The following CREB3L1 variants were observed in gnomAD, a reference collection of about 807,000 sequenced individuals.
The protein encoded by CREB3L1 is cAMP responsive element binding protein 3 like 1, also known as cyclic AMP-responsive element-binding protein 3-like protein 1.
CREB3L1 carries 33 observed loss-of-function variants against 54.5 expected under a neutral mutation model. That is an observed-to-expected ratio of 0.61 (90% CI 0.46 to 0.81). The LOEUF is 0.81. Among genes scored for constraint, CREB3L1 ranks in the 30% least tolerant of loss-of-function variants. CREB3L1 has a pLI of 0.00. For missense variants in CREB3L1, 656 were observed against 673.3 expected, an observed-to-expected ratio of 0.97 and a Z score of 0.29; for synonymous variants, 284 against 286.4, an observed-to-expected ratio of 0.99 and a Z score of 0.08.
intron 8 of CREB3L1, among the ~76,000 whole-genome samples, chr11:46,313,305 C>T (rs893538885): frequency 2.6e-5 from 4 of 152,180 alleles, no homozygotes; most frequent in Non-Finnish European, 2.9e-5. Flanking sequence ...TTAGGTTGCA[C>T]CCTCAAGTTT....
intron 1 of CREB3L1, among the ~76,000 whole-genome samples, chr11:46,298,498 G>A: frequency 6.6e-6 from 1 of 152,218 alleles, no homozygotes; most frequent in East Asian, 1.9e-4. Flanking sequence ...AGGAGTTTGA[G>A]ACCAGCCTAG....
rs930638039 is a variant in CREB3L1 at position 46,312,525 on chromosome 11, C to T, written c.903+51C>T. On this transcript the variant is annotated intron_variant, in intron 6 of 11. Coordinates refer to ENST00000621158, the MANE Select transcript of CREB3L1 (RefSeq NM_052854.4). ...AGAGGGCTTCCTTGGTGGGTGGGCT[C>T]CCCTGGCATACCAGCTCTGAAATTG... The T allele has an allele frequency of 3.1e-6, 5 of 1,609,486 alleles. No individual in the cohort carries two copies. In the African/African-American group the frequency reaches 5.4e-5, roughly 17 times the overall value.
In CREB3L1 at chr11:46,292,796, T is replaced by G. The variant is rs568244287; in HGVS notation, c.103-7139T>G. Among the ~76,000 whole-genome samples the G allele has an allele frequency of 2.0e-5, 3 of 152,252 alleles. No individual in the cohort carries two copies. In the East Asian group the frequency reaches 5.8e-4, roughly 29 times the overall value. The stretch of plus-strand genomic sequence containing the variant: ...CACCTGGCTAATATTTTTAAATTTT[T>G]TTTTTTTTAGAGATGGGATCTCGCT... On this transcript the variant is annotated intron_variant, in intron 1 of 11. Transcript: ENST00000621158.
At position 46,320,783 on chromosome 11, in the gene CREB3L1, G is replaced by GT. The variant is rs748223401; in HGVS notation, c.*38dup. On this transcript the variant is annotated 3_prime_UTR_variant, in exon 12 of 12. Transcript: ENST00000621158. ...ACCCAGGACATAGGACGGACCCCTGGTACCCAGAAGAGGAGTTCTTGCTCA... is the reference window on the plus strand; with the variant it reads ...ACCCAGGACATAGGACGGACCCCTGGTTACCCAGAAGAGGAGTTCTTGCTCA... The GT allele has an allele frequency of 1.2e-6, 2 of 1,603,996 alleles. No homozygotes were observed. The highest frequency in any genetic ancestry group is 1.1e-5 in the South Asian group (1 of 89,144).
chr11:46,298,108 G>A (rs184675546), intron 1 of CREB3L1, among the ~76,000 whole-genome samples: 21 of 152,270 alleles, frequency 1.4e-4, no homozygotes, highest in African/African-American at 5.1e-4. Flanking sequence ...TCAAAAGCAC[G>A]TCTATGTGAC....
chr11:46,280,281 G>C (rs1166390599), intron 1 of CREB3L1, among the ~76,000 whole-genome samples: 1 of 149,326 alleles, frequency 6.7e-6, no homozygotes, highest in Non-Finnish European at 1.5e-5. Context: ...TCCGCCTCCC[G>C]GGTTCACGCC....
chr11:46,282,934 T>C (rs1939000839), intron 1 of CREB3L1, among the ~76,000 whole-genome samples: 1 of 152,138 alleles, frequency 6.6e-6, no homozygotes, highest in Non-Finnish European at 1.5e-5. Context: ...ATGCTTGTAA[T>C]CTCAATGCTT....
In CREB3L1 at chr11:46,310,904, A is replaced by G. The variant is rs2136353995; in HGVS notation, c.596-128A>G. ...AGGGGCTTCTGATGTCATAGCTGAG[A>G]CCAAGCGCCTGGCAGTCCGTGTCCC... On this transcript the variant is annotated intron_variant, in intron 4 of 11. Transcript: ENST00000621158. 37 of 1,391,628 alleles carry G rather than the reference A, an allele frequency of 2.7e-5. No individual in the cohort carries two copies. The South Asian group carries it at 4.3e-4, about 16-fold the overall frequency. The allele number at this position is 1,391,628 out of a possible 1,614,324, so 86.2% of individuals were successfully genotyped here.
rs745567388 is a variant in CREB3L1 at position 46,311,103 on chromosome 11, C to T, written c.667C>T (p.Arg223Cys). ...TGACAGCGACGGCTCCCAGAGTCCCCGCTCTCTGCCCCCCTCCAGCCCTGT... is the reference window on the plus strand; with the variant it reads ...TGACAGCGACGGCTCCCAGAGTCCCTGCTCTCTGCCCCCCTCCAGCCCTGT... ...GSDSDGSQSP[R>C]SLPPSSPVRP... is the part of the protein sequence containing the mutation. Residue 223 changes from arginine (R) to cysteine (C), a missense_variant, in exon 5 of 12, where the codon CGC (arginine) becomes TGC (cysteine). Coordinates refer to ENST00000621158, the MANE Select transcript of CREB3L1 (RefSeq NM_052854.4). 117 of 1,608,522 alleles carry T rather than the reference C, an allele frequency of 7.3e-5. No homozygotes were observed. Among genetic ancestry groups the T allele is most frequent in the Non-Finnish European group, 9.7e-5 (114 of 1,179,130 alleles).
rs750658466 is a variant in CREB3L1 at position 46,317,453 on chromosome 11, C to T, written c.1224C>T (p.Pro408=). ...GCTCCCAGACTGTGAAGGAAGACCC[C>T]CTGGCCGCAGACGGCGTCTACACGG... is the stretch of plus-strand genomic sequence containing the variant. ...SSGSQTVKED[P]LAADGVYTAS... is the part of the protein sequence containing the mutation. Residue 408 remains proline, a synonymous_variant, in exon 10 of 12, where the codon CCC becomes CCT. Coordinates refer to ENST00000621158, the MANE Select transcript of CREB3L1 (RefSeq NM_052854.4). The T allele has an allele frequency of 7.3e-5, 117 of 1,612,646 alleles. No individual in the cohort carries two copies. The highest frequency in any genetic ancestry group is 9.3e-5 in the Non-Finnish European group (110 of 1,179,860).
Position 46,321,144 on chromosome 11 carries a change from T to C in CREB3L1, c.*398T>C. The C allele has an allele frequency of 2.4e-6, 1 of 413,256 alleles. No individual in the cohort carries two copies. The highest frequency in any genetic ancestry group is 4.6e-6 in the Non-Finnish European group (1 of 219,666). The allele number at this position is 413,256 out of a possible 1,614,324, so 25.6% of individuals were successfully genotyped here. On this transcript the variant is annotated 3_prime_UTR_variant, in exon 12 of 12. Transcript: ENST00000621158. ...AAGAACAGAAATTGTTTGTAAATAA[T>C]GAACCTTATTTTTTATTATTGCCAA...
intron 2 of CREB3L1, among the ~76,000 whole-genome samples, chr11:46,305,400 G>A (rs532643233): frequency 6.6e-5 from 10 of 151,920 alleles, no homozygotes; most frequent in Admixed American, 2.6e-4. Flanking sequence ...ACTGGGTCCT[G>A]TGGATGCTTC....
chr11:46,318,165 C>A (rs1939595099), intron 10 of CREB3L1, among the ~76,000 whole-genome samples: 1 of 152,000 alleles, frequency 6.6e-6, no homozygotes, highest in Non-Finnish European at 1.5e-5. Context: ...TTGCAGTGAA[C>A]CAAGATCACG....
Position 46,278,237 on chromosome 11 carries a change from C to T in CREB3L1, c.102+24C>T, listed in dbSNP as rs779587929. 3 of 1,463,632 alleles carry T rather than the reference C, an allele frequency of 2.0e-6. No individual in the cohort carries two copies. The highest frequency in any genetic ancestry group is 1.2e-5 in the South Asian group (1 of 80,712). 90.7% of individuals were successfully genotyped at this position (1,463,632 alleles called of 1,614,324 possible). ...CGGTAAGATGAAGGGTCTCCGTTCC[C>T]GTTCCACCCCTCGGCACCCGTCCTC... On this transcript the variant is annotated intron_variant, in intron 1 of 11. Transcript: ENST00000621158. The surrounding 1 kb of genome is among the most constrained non-coding windows in gnomAD (Gnocchi z 4.2).
chr11:46,317,626 G>T, intron 10 of CREB3L1, 139 bp downstream of exon 10: 1 of 1,076,112 alleles, frequency 9.3e-7, no homozygotes, highest in Non-Finnish European at 1.3e-6. Context: ...TTTCCAGATG[G>T]GGAAACCGAG....
At chr11:46,315,602 C>A (rs958595142) in intron 8 of CREB3L1, 15 of 185,360 alleles carry the variant, frequency 8.1e-5, no homozygotes, top group African/African-American at 1.4e-4. Flanking sequence ...GAGGCCGAAG[C>A]GGGTGGATCA....
Position 46,320,903 on chromosome 11 carries a change from G to A in CREB3L1, c.*157G>A, listed in dbSNP as rs1320061258. The A allele has an allele frequency of 3.7e-6, 3 of 805,046 alleles. No homozygotes were observed. The Admixed American group carries it at 6.0e-5, about 16-fold the overall frequency. The allele number at this position is 805,046 out of a possible 1,614,324, so 49.9% of individuals were successfully genotyped here. The stretch of plus-strand genomic sequence containing the variant: ...CAGCCCTTCCTTGCCCCTGACATTT[G>A]GACTCTTCCCTTGGGCCGACCACTC... On this transcript the variant is annotated 3_prime_UTR_variant, in exon 12 of 12. Transcript: ENST00000621158.
rs1938904032 is a variant in CREB3L1, at chr11:46,278,098, G to T, written c.-14G>T. 6.5e-7 allele frequency: 1 copy of T among 1,531,144 alleles called. No individual in the cohort carries two copies. The highest frequency in any genetic ancestry group is 1.2e-5 in the South Asian group (1 of 83,390). 94.8% of individuals were successfully genotyped at this position (1,531,144 alleles called of 1,614,324 possible). A position where few individuals can be genotyped will look rare whatever the true frequency, so the allele number is the denominator to read the frequency against. On this transcript the variant is annotated 5_prime_UTR_variant, in exon 1 of 12. Transcript: ENST00000621158. This position sits in a 1 kb window ranked among gnomAD's most constrained non-coding sequence, Gnocchi z 4.2. ...GGGAAGCCCAGTGGAAGGGGGTCCC[G>T]GGAGCCGGCTGCGATGGACGCCGTC...
chr11:46,312,824 G>A (rs1452449755), intron 7 of CREB3L1, 27 bp from the exon 8 acceptor site: 5 of 1,576,620 alleles, frequency 3.2e-6, no homozygotes, highest in Non-Finnish European at 3.4e-6. Flanking sequence ...GGCTGCCCCT[G>A]AGCCTGTGCC....
Sources: gnomAD v4.1 joint callset for allele counts (sites outside exome capture counted in the v4.1 genomes callset) on GRCh38, gnomAD v4.1.1 for gene constraint, Gnocchi (gnomAD v3.1) non-coding constraint, MANE v1.5 for transcripts, NCBI Gene and HGNC (gene_info 2026-07-23, HGNC 2026-07-21) for gene names.